TACC2: variants seen among roughly 807,000 people sequenced by gnomAD.
TACC2 encodes the protein transforming acidic coiled-coil containing protein 2.
In TACC2, 137 loss-of-function variants were observed where a neutral mutation model predicts 227.3. The observed-to-expected ratio is 0.60, with a 90% CI of 0.52 to 0.69. The LOEUF is 0.69. Ranked by LOEUF, TACC2 falls within the 30% of genes least tolerant of loss-of-function variation. TACC2 has a pLI of 0.00. For missense variants in TACC2, 3,470 were observed against 3,694.4 expected (o/e 0.94, Z 1.57); for synonymous variants, 1,523 against 1,487.5 (o/e 1.02, Z -0.55).
At chr10:122,177,497 A>G (rs1034757089) in intron 7 of TACC2, among the ~76,000 whole-genome samples, 2 of 152,120 alleles carry the variant, frequency 1.3e-5, no homozygotes, top group African/African-American at 4.8e-5. Flanking sequence ...TGAGCCCAGG[A>G]GTTCAAGGCT....
At chr10:122,174,346 G>A (rs1245069692) in intron 7 of TACC2, among the ~76,000 whole-genome samples, 1 of 152,200 alleles carries the variant, frequency 6.6e-6, no homozygotes, top group Non-Finnish European at 1.5e-5. Context: ...TAGCTAGTGG[G>A]CAATGGCACT....
At chr10:122,203,725 G>A (rs2094979907) in intron 8 of TACC2, among the ~76,000 whole-genome samples, 1 of 151,970 alleles carries the variant, frequency 6.6e-6, no homozygotes. Context: ...GGGCGGCCAG[G>A]CAGAGACGCT....
intron 2 of TACC2, among the ~76,000 whole-genome samples, chr10:122,033,661 A>T (rs1448084278): frequency 6.6e-6 from 1 of 152,216 alleles, no homozygotes; most frequent in African/African-American, 2.4e-5. Context: ...AGTGTTTGCC[A>T]TCCACTGGGG....
chr10:122,212,526 T>C (rs1001711453), intron 9 of TACC2, among the ~76,000 whole-genome samples: 1 of 152,208 alleles, frequency 6.6e-6, no homozygotes. Flanking sequence ...CTGTGGTTAA[T>C]ATCTTGGCGA....
At chr10:122,149,321 C>T (rs1030655694) in intron 7 of TACC2, among the ~76,000 whole-genome samples, 5 of 152,114 alleles carry the variant, frequency 3.3e-5, no homozygotes, top group Admixed American at 2.0e-4. Context: ...TGGATAGACG[C>T]GGGAGAAACG....
intron 5 of TACC2, among the ~76,000 whole-genome samples, chr10:122,095,619 A>G (rs1268665786): frequency 1.3e-5 from 2 of 152,184 alleles, no homozygotes; most frequent in African/African-American, 2.4e-5. Context: ...AAAAGCTAAT[A>G]AGAGTTGGAA....
intron 3 of TACC2, among the ~76,000 whole-genome samples, chr10:122,077,151 C>T (rs2078914463): frequency 6.7e-6 from 1 of 150,058 alleles, no homozygotes; most frequent in Non-Finnish European, 1.5e-5. Flanking sequence ...TCATAATCTT[C>T]TAGTGAAACA....
chr10:122,199,488 G>T (rs116149450), intron 8 of TACC2, among the ~76,000 whole-genome samples: 1,787 of 152,346 alleles, frequency 0.012, 25 homozygotes, highest in African/African-American at 0.041. Flanking sequence ...CTGGCATGGG[G>T]TGGGGCATCC....
chr10:122,117,191 CTTTTTTT>C (rs71482688), intron 5 of TACC2, among the ~76,000 whole-genome samples: 8 of 129,816 alleles, frequency 6.2e-5, no homozygotes, highest in African/African-American at 1.4e-4. Context: ...TCTTAGAAAT[CTTTTTTT>C]TTTTTTTTTT....
At chr10:122,077,889 G>C (rs1011751628) in intron 3 of TACC2, among the ~76,000 whole-genome samples, 1 of 152,028 alleles carries the variant, frequency 6.6e-6, no homozygotes, top group East Asian at 1.9e-4. Flanking sequence ...TGGATTAAGC[G>C]CAATCGTAAC....
intron 1 of TACC2, among the ~76,000 whole-genome samples, chr10:121,996,732 A>C: frequency 6.6e-6 from 1 of 152,258 alleles, no homozygotes; most frequent in East Asian, 1.9e-4. Context: ...CAAGAGAGGG[A>C]TTGGCTTGAG....
Position 122,084,095 on chromosome 10 carries a change from C to A in TACC2, c.1595C>A (p.Pro532His). The change falls in exon 4 of 23, where the codon CCC becomes CAC. Residue 532 changes from proline to histidine, a missense_variant. Pro to His is a moderately conservative substitution (Grantham distance 77, BLOSUM62 -2). Around this residue, in one of 10 missense-constraint regions of TACC2, gnomAD observed 1,924 missense variants for 1,978.3 expected, o/e 0.97. Transcript: ENST00000369005. ...QSHEVQPGAPPPPLPKAPSES... is the reference protein window; with the variant it reads ...QSHEVQPGAPHPPLPKAPSES... Reference sequence around the variant, plus strand: ...CATGAGGTCCAACCAGGAGCACCACCCCCTCCTCTTCCCAAGGCACCAAGT... The same window carrying A: ...CATGAGGTCCAACCAGGAGCACCACACCCTCCTCTTCCCAAGGCACCAAGT... 1 of 1,614,094 alleles carries A rather than the reference C, an allele frequency of 6.2e-7. No individual in the cohort carries two copies. The highest frequency in any genetic ancestry group is 8.5e-7 in the Non-Finnish European group (1 of 1,179,980).
intron 1 of TACC2, among the ~76,000 whole-genome samples, chr10:121,990,609 G>T (rs1049845912): frequency 6.6e-6 from 1 of 152,032 alleles, no homozygotes; most frequent in African/African-American, 2.4e-5. Context: ...AGTCTTGTTT[G>T]GCTGGAGCCC....
intron 11 of TACC2, among the ~76,000 whole-genome samples, chr10:122,220,526 C>T (rs777577494): frequency 5.9e-5 from 9 of 152,102 alleles, no homozygotes; most frequent in Non-Finnish European, 1.0e-4. Context: ...GTGGAAATAC[C>T]ATTAATGTAA....
In TACC2 at chr10:122,083,062, T is replaced by C; in HGVS notation, c.562T>C (p.Phe188Leu). ...GAAGGAAGAAGGACAGAAGTCCTCC[T>C]TCTCCTTCTCCAGTGGCATCGACCA... The part of the protein sequence containing the change: ...QPKEEGQKSS[F>L]SFSSGIDQSP... The change falls in exon 4 of 23, where the codon TTC becomes CTC. Residue 188 changes from phenylalanine (F) to leucine (L), a missense_variant. Phe to Leu is a conservative substitution (Grantham distance 22). Around this residue, in one of 10 missense-constraint regions of TACC2, gnomAD observed 405 missense variants for 389.6 expected, o/e 1.04. Coordinates refer to ENST00000369005, the MANE Select transcript of TACC2 (RefSeq NM_206862.4). 1.2e-6 allele frequency: 2 copies of C among 1,612,670 alleles called. No homozygotes were observed. Among genetic ancestry groups the C allele is most frequent in the Non-Finnish European group, 1.7e-6 (2 of 1,179,952 alleles).
At chr10:122,042,413 T>G (rs1380290659) in intron 2 of TACC2, among the ~76,000 whole-genome samples, 2 of 152,126 alleles carry the variant, frequency 1.3e-5, no homozygotes, top group Non-Finnish European at 2.9e-5. Context: ...CAGCTAATTT[T>G]TCTATTTTTA....
At chr10:122,038,962 A>T (rs757218564) in intron 2 of TACC2, among the ~76,000 whole-genome samples, 1 of 151,958 alleles carries the variant, frequency 6.6e-6, no homozygotes, top group African/African-American at 2.4e-5. Context: ...TTCCTGACTC[A>T]TGTGTTTTTT....
rs143851912 is a variant in TACC2, at chr10:122,053,074, A to T, written c.146+2524A>T. On this transcript the variant is annotated intron_variant, in intron 3 of 22. Coordinates refer to ENST00000369005, the MANE Select transcript of TACC2 (RefSeq NM_206862.4). ...TTCTGATCCTGAGTCCTTACCTGCC[A>T]GGCTGGTGGGTATGCCAAGTGTATT... Among the ~76,000 whole-genome samples the T allele has an allele frequency of 1.9e-3, 288 of 152,312 alleles. 3 individuals carry two copies. Among genetic ancestry groups the T allele is most frequent in the African/African-American group, 5.8e-3 (243 of 41,570 alleles).
rs375286554 is a variant in TACC2, at chr10:122,084,167, A to G, written c.1667A>G (p.His556Arg). The G allele has an allele frequency of 1.9e-6, 3 of 1,613,978 alleles. No individual in the cohort carries two copies. Among genetic ancestry groups the G allele is most frequent in the East Asian group, 2.2e-5 (1 of 44,886 alleles). The change falls in exon 4 of 23, where the codon CAT becomes CGT. Residue 556 changes from histidine to arginine, a missense_variant. His to Arg is a conservative substitution (Grantham distance 29). Coordinates refer to ENST00000369005, the MANE Select transcript of TACC2 (RefSeq NM_206862.4). The stretch of plus-strand genomic sequence containing the variant: ...GGGCCAACGGATGGAGCCAAGGTCC[A>G]TGAAGATTCCACAAGCCCAGCCGTG... ...PPGPTDGAKV[H>R]EDSTSPAVAK...
Sources: gnomAD v4.1 joint callset for allele counts (sites outside exome capture counted in the v4.1 genomes callset) on GRCh38, gnomAD v4.1.1 for gene constraint, gnomAD v4.1.1 regional missense constraint, MANE v1.5 for transcripts, NCBI Gene and HGNC (gene_info 2026-07-23, HGNC 2026-07-21) for gene names.